DAB1: variants seen among roughly 807,000 people sequenced by gnomAD.
DAB1 encodes disabled homolog 1.
Under a neutral mutation model 64.6 loss-of-function variants are expected in DAB1, and 15 were observed. The ratio of observed to expected loss-of-function variants is 0.23; its 90% confidence interval spans 0.16 to 0.36. DAB1 has a LOEUF of 0.36. Ranked by LOEUF, DAB1 falls within the 10% of genes least tolerant of loss-of-function variation. The pLI, the probability that DAB1 is intolerant of heterozygous loss-of-function variation, is 1.00. For missense variants in DAB1, 596 were observed against 706.7 expected (o/e 0.84, Z 1.78); for synonymous variants, 235 against 251.9 (o/e 0.93, Z 0.64).
At chr1:57,521,607 G>T (rs1366097663) in intron 7 of DAB1, among the ~76,000 whole-genome samples, 1 of 152,178 alleles carries the variant, frequency 6.6e-6, no homozygotes. Flanking sequence ...AAATATGGAT[G>T]CATTTATCTT....
At chr1:58,497,047 C>A (rs1645814310) in intron 3 of DAB1, among the ~76,000 whole-genome samples, 1 of 152,168 alleles carries the variant, frequency 6.6e-6, no homozygotes, top group African/African-American at 2.4e-5. Flanking sequence ...ACTTCCAATG[C>A]AAAGCACTAT....
intron 4 of DAB1, among the ~76,000 whole-genome samples, chr1:58,297,392 G>A (rs1662019176): frequency 6.6e-6 from 1 of 152,186 alleles, no homozygotes; most frequent in South Asian, 2.1e-4. Context: ...TGCCCTCGAA[G>A]AGCCCATGGT....
intron 3 of DAB1, among the ~76,000 whole-genome samples, chr1:58,489,654 T>A (rs1645641784): frequency 6.6e-6 from 1 of 152,106 alleles, no homozygotes; most frequent in Non-Finnish European, 1.5e-5. Context: ...CTCAAGTGGG[T>A]CCCTGACCCC....
In DAB1 at chr1:57,288,363, T is replaced by C. The variant is rs192820699; in HGVS notation, c.67+2601A>G. Among the ~76,000 whole-genome samples, 27 of 152,280 alleles carry C rather than the reference T, an allele frequency of 1.8e-4. No individual in the cohort carries two copies. In the East Asian group the frequency reaches 2.5e-3, roughly 14 times the overall value. ...GGAGATGTGGTGTGTTATGCATATC[T>C]GTGTTTCACCAAAATCTATATGTTA... On this transcript the variant is annotated intron_variant, in intron 2 of 14. Coordinates refer to ENST00000371236, the MANE Select transcript of DAB1 (RefSeq NM_001365792.1).
At chr1:58,303,070 C>A (rs1662210815) in intron 4 of DAB1, among the ~76,000 whole-genome samples, 1 of 152,134 alleles carries the variant, frequency 6.6e-6, no homozygotes, top group African/African-American at 2.4e-5. Flanking sequence ...ACTCAGCCAA[C>A]AAGAGGAAGA....
intron 2 of DAB1, among the ~76,000 whole-genome samples, chr1:58,512,437 G>T (rs1311093408): frequency 6.6e-6 from 1 of 152,064 alleles, no homozygotes; most frequent in African/African-American, 2.4e-5. Flanking sequence ...GATCTCAAAG[G>T]GATTTGCACT....
chr1:58,414,318 C>T (rs1448948409), intron 3 of DAB1, among the ~76,000 whole-genome samples: 3 of 152,192 alleles, frequency 2.0e-5, no homozygotes, highest in Non-Finnish European at 1.5e-5. Context: ...CCATCATCCT[C>T]TAAAAGACTT....
chr1:58,116,641 TG>T (rs377003284), intron 5 of DAB1, among the ~76,000 whole-genome samples: 9 of 152,358 alleles, frequency 5.9e-5, no homozygotes, highest in African/African-American at 1.9e-4. Context: ...TCTCTGTCCC[TG>T]AGCATTCCTC....
chr1:58,491,885 G>A (rs1645699397), intron 3 of DAB1, among the ~76,000 whole-genome samples: 1 of 152,116 alleles, frequency 6.6e-6, no homozygotes, highest in African/African-American at 2.4e-5. Context: ...GGATATCCAG[G>A]AATTGAACTC....
intron 7 of DAB1, among the ~76,000 whole-genome samples, chr1:57,555,912 C>T (rs1644983083): frequency 6.6e-6 from 1 of 152,082 alleles, no homozygotes; most frequent in South Asian, 2.1e-4. Flanking sequence ...AAAATGACCC[C>T]TTTTTCATTC....
intron 4 of DAB1, among the ~76,000 whole-genome samples, chr1:57,089,249 G>A (rs761170643): frequency 1.3e-5 from 2 of 152,164 alleles, no homozygotes; most frequent in Admixed American, 6.5e-5. Context: ...CTCTGTTTAT[G>A]TACAATATAC....
At chr1:57,123,786 A>T (rs894335774) in intron 4 of DAB1, among the ~76,000 whole-genome samples, 1 of 152,182 alleles carries the variant, frequency 6.6e-6, no homozygotes, top group East Asian at 1.9e-4. Context: ...TAAGTAAAAA[A>T]TAGGTTACAA....
At chr1:57,207,113 C>T (rs1000444695) in intron 2 of DAB1, among the ~76,000 whole-genome samples, 5 of 151,302 alleles carry the variant, frequency 3.3e-5, no homozygotes, top group African/African-American at 1.2e-4. Flanking sequence ...GGATTATGGG[C>T]ATGTGCCACT....
chr1:57,529,741 T>C (rs1200547769), intron 7 of DAB1, among the ~76,000 whole-genome samples: 1 of 152,132 alleles, frequency 6.6e-6, no homozygotes, highest in Non-Finnish European at 1.5e-5. Flanking sequence ...GTCCAAGATA[T>C]TGCTCCCTTG....
intron 7 of DAB1, among the ~76,000 whole-genome samples, chr1:57,444,370 T>C (rs1254487755): frequency 6.6e-6 from 1 of 152,202 alleles, no homozygotes; most frequent in Non-Finnish European, 1.5e-5. Context: ...TACAGTTATG[T>C]CTTGGCTTAA....
chr1:58,365,282 CAA>C (rs532852020), intron 3 of DAB1, among the ~76,000 whole-genome samples: 191 of 152,176 alleles, frequency 1.3e-3, no homozygotes, highest in African/African-American at 4.3e-3. Flanking sequence ...AGATAAAAAC[CAA>C]AGACTCCACA....
chr1:58,370,385 G>A (rs1231672559), intron 3 of DAB1, among the ~76,000 whole-genome samples: 2 of 84,142 alleles, frequency 2.4e-5, no homozygotes, highest in African/African-American at 1.7e-4. Flanking sequence ...GTGTGTGTGT[G>A]TGTGTGTGTG....
At chr1:57,297,546 A>T (rs1005734777) in intron 1 of DAB1, among the ~76,000 whole-genome samples, 2 of 152,162 alleles carry the variant, frequency 1.3e-5, no homozygotes, top group Admixed American at 1.3e-4. Context: ...ATATACGTAC[A>T]TACATAGAGA....
intron 3 of DAB1, among the ~76,000 whole-genome samples, chr1:58,390,230 C>A (rs955765731): frequency 1.3e-5 from 2 of 151,840 alleles, no homozygotes; most frequent in Non-Finnish European, 2.9e-5. Flanking sequence ...ACATACCCCA[C>A]CCCACCCCTA....
Sources: allele counts gnomAD v4.1 joint callset (sites outside exome capture counted in the v4.1 genomes callset), GRCh38; gene constraint gnomAD v4.1.1; transcripts MANE v1.5; gene names NCBI Gene and HGNC (gene_info 2026-07-23, HGNC 2026-07-21).